The following CLTCL1 variants were observed in gnomAD, a reference collection of about 807,000 sequenced individuals.
The protein encoded by CLTCL1 is clathrin heavy chain 2.
A neutral mutation model predicts 190.0 loss-of-function variants in CLTCL1; 159 were observed. That is an observed-to-expected ratio of 0.84 (90% CI 0.74 to 0.95). The LOEUF is 0.95. Among genes scored for constraint, CLTCL1 ranks in the 40% least tolerant of loss-of-function variants. CLTCL1 has a pLI of 0.00. For synonymous variants in CLTCL1, 752 were observed against 769.6 expected (o/e 0.98, Z 0.38); for missense variants, 1,878 against 2,033.4 (o/e 0.92, Z 1.47).
chr22:19,184,486 C>G, intron 29 of CLTCL1: 1 of 456,020 alleles, frequency 2.2e-6, no homozygotes, highest in South Asian at 1.5e-5. Context: ...AAAGAAGTCT[C>G]CCCCGCTGGC....
At chr22:19,220,468 C>T (rs568587345) in intron 17 of CLTCL1, among the ~76,000 whole-genome samples, 4 of 152,232 alleles carry the variant, frequency 2.6e-5, no homozygotes, top group Non-Finnish European at 5.9e-5. Context: ...TAAAACAGCA[C>T]AAACACTGCA....
chr22:19,243,693 C>CTTTTTTTTTT (rs1238694667), intron 3 of CLTCL1, among the ~76,000 whole-genome samples: 1 of 103,756 alleles, frequency 9.6e-6, no homozygotes, highest in Non-Finnish European at 2.0e-5. Context: ...TTCTTTCTTT[C>CTTTTTTTTTT]TTTCTTTTTT....
chr22:19,211,019 C>T (rs902220731), intron 19 of CLTCL1, among the ~76,000 whole-genome samples: 6 of 152,070 alleles, frequency 3.9e-5, no homozygotes, highest in African/African-American at 1.4e-4. Flanking sequence ...AGGTGTGAGC[C>T]ACCACACCAG....
chr22:19,213,221 T>C (rs1391826966), intron 19 of CLTCL1, among the ~76,000 whole-genome samples: 2 of 152,158 alleles, frequency 1.3e-5, no homozygotes, highest in African/African-American at 4.8e-5. Context: ...ACATAAAAAG[T>C]TGTTCATCAT....
At chr22:19,204,134 C>T (rs1254479043) in intron 22 of CLTCL1, among the ~76,000 whole-genome samples, 2 of 152,192 alleles carry the variant, frequency 1.3e-5, no homozygotes, top group Admixed American at 1.3e-4. Context: ...TTCCGCTGAC[C>T]CCTAGACCAG....
intron 3 of CLTCL1, among the ~76,000 whole-genome samples, chr22:19,246,353 C>T (rs2086419196): frequency 6.6e-6 from 1 of 152,160 alleles, no homozygotes; most frequent in Non-Finnish European, 1.5e-5. Context: ...AGCCACCACG[C>T]CTGGCCTTAT....
At chr22:19,244,167 C>T (rs782630159) in intron 3 of CLTCL1, among the ~76,000 whole-genome samples, 14 of 152,308 alleles carry the variant, frequency 9.2e-5, no homozygotes, top group Non-Finnish European at 1.8e-4. Context: ...AATCCTCAGT[C>T]TATTCCTCAC....
intron 2 of CLTCL1, among the ~76,000 whole-genome samples, chr22:19,274,872 A>G (rs2087445748): frequency 6.6e-6 from 1 of 151,740 alleles, no homozygotes; most frequent in Admixed American, 6.6e-5. Flanking sequence ...GATTACAGGC[A>G]TGCGCCACCA....
At chr22:19,264,749 T>C (rs1555977088) in intron 2 of CLTCL1, among the ~76,000 whole-genome samples, 1 of 152,104 alleles carries the variant, frequency 6.6e-6, no homozygotes, top group Non-Finnish European at 1.5e-5. Flanking sequence ...GATGATTTCT[T>C]GAATTCACAA....
intron 3 of CLTCL1, among the ~76,000 whole-genome samples, chr22:19,250,309 C>A (rs978572410): frequency 2.7e-5 from 4 of 149,124 alleles, no homozygotes; most frequent in Non-Finnish European, 4.5e-5. Context: ...GGGCACATCA[C>A]TTTTCTGGGA....
At chr22:19,187,298 G>C (rs1430533080) in intron 29 of CLTCL1, among the ~76,000 whole-genome samples, 1 of 152,146 alleles carries the variant, frequency 6.6e-6, no homozygotes, top group Non-Finnish European at 1.5e-5. Context: ...CAAAACTGCT[G>C]CGAAAAGAAT....
intron 26 of CLTCL1, among the ~76,000 whole-genome samples, chr22:19,194,740 G>A (rs975644238): frequency 2.6e-5 from 4 of 152,232 alleles, no homozygotes; most frequent in Admixed American, 6.5e-5. Context: ...GGTGCCCCCC[G>A]TGTGAGTTAG....
chr22:19,236,324 GA>G (rs1477359198), intron 5 of CLTCL1, among the ~76,000 whole-genome samples: 2 of 152,076 alleles, frequency 1.3e-5, no homozygotes, highest in African/African-American at 4.8e-5. Flanking sequence ...ACAGTTTATC[GA>G]ACCCCTTTAA....
chr22:19,187,561 G>C lies in CLTCL1; in HGVS notation c.4602C>G (p.Tyr1534Ter), dbSNP rs782482513. The C allele has an allele frequency of 1.8e-5, 29 of 1,610,788 alleles. No homozygotes were observed. In the South Asian group the frequency reaches 3.0e-4, roughly 16 times the overall value. Reference sequence around the variant, plus strand: ...GAAACGGGCCCAGGCCACCAACCTTGTAGAGATGATCCTTCTTGCAGAGCT... The same window carrying C: ...GAAACGGGCCCAGGCCACCAACCTTCTAGAGATGATCCTTCTTGCAGAGCT... ...SVELCKKDHL[Y>*]KDAMQHAAES... Residue 1534 changes from tyrosine to a stop codon, truncating the protein, a stop_gained, in exon 29 of 33, where the codon TAC becomes TAG. Transcript: ENST00000427926. LOFTEE classifies it high-confidence loss of function.
chr22:19,184,209 T>C (rs1302602960), intron 29 of CLTCL1: 2 of 304,728 alleles, frequency 6.6e-6, no homozygotes, highest in Non-Finnish European at 1.3e-5. Flanking sequence ...GATCACCTGA[T>C]TCCTTCTATG....
At chr22:19,272,844 T>C (rs2087368823) in intron 2 of CLTCL1, among the ~76,000 whole-genome samples, 1 of 152,162 alleles carries the variant, frequency 6.6e-6, no homozygotes, top group Non-Finnish European at 1.5e-5. Context: ...AGTGGCACGA[T>C]AATAGCTCAC....
chr22:19,209,810 G>T (rs2085161367), intron 20 of CLTCL1, among the ~76,000 whole-genome samples: 1 of 152,228 alleles, frequency 6.6e-6, no homozygotes, highest in African/African-American at 2.4e-5. Flanking sequence ...AGACTGGAAA[G>T]AAAGGGATGC....
intron 27 of CLTCL1, 78 bp from the exon 28 acceptor site, chr22:19,188,169 G>C: frequency 7.8e-7 from 1 of 1,284,608 alleles, no homozygotes; most frequent in South Asian, 1.2e-5. Flanking sequence ...AGGTGGGCAC[G>C]TGCGTGCCAT....
chr22:19,180,928 C>T (rs1211452291), intron 30 of CLTCL1, 122 bp from the exon 31 acceptor site: 3 of 816,260 alleles, frequency 3.7e-6, no homozygotes, highest in Non-Finnish European at 6.3e-6. Flanking sequence ...AGGAGGTGCA[C>T]ATGGGCAGAT....
Sources: allele counts gnomAD v4.1 joint callset (sites outside exome capture counted in the v4.1 genomes callset), GRCh38; gene constraint gnomAD v4.1.1; transcripts MANE v1.5; gene names NCBI Gene and HGNC (gene_info 2026-07-23, HGNC 2026-07-21).